The following ATP7B variants were observed in gnomAD, a reference collection of about 807,000 sequenced individuals.
The protein encoded by ATP7B is copper-transporting ATPase 2.
Under a neutral mutation model 118.9 loss-of-function variants are expected in ATP7B, and 113 were observed. The observed-to-expected ratio is 0.95, with a 90% CI of 0.82 to 1.11. The LOEUF (loss-of-function observed/expected upper bound fraction) is 1.11, where lower values mean the gene tolerates loss of function less well. Ranked by LOEUF, ATP7B falls within the 50% of genes most tolerant of loss-of-function variation. ATP7B has a pLI of 0.00. For missense variants in ATP7B, 1,867 were observed against 1,871.4 expected, an observed-to-expected ratio of 1.00 and a Z score of 0.04; for synonymous variants, 777 against 727.4, an observed-to-expected ratio of 1.07 and a Z score of -1.10.
intron 16 of ATP7B, among the ~76,000 whole-genome samples, chr13:51,939,816 AAG>A (rs1173059159): frequency 6.6e-6 from 1 of 152,098 alleles, no homozygotes; most frequent in East Asian, 1.9e-4. Flanking sequence ...AAAGGGAAAA[AAG>A]AGAGAGAATG....
At chr13:51,992,636 T>C (rs1039072690) in intron 1 of ATP7B, among the ~76,000 whole-genome samples, 5 of 152,180 alleles carry the variant, frequency 3.3e-5, no homozygotes, top group African/African-American at 1.2e-4. Context: ...GATAACTAAA[T>C]TCTTTCTAAA....
At chr13:52,000,117 T>C (rs543352898) in intron 1 of ATP7B, among the ~76,000 whole-genome samples, 5 of 152,326 alleles carry the variant, frequency 3.3e-5, no homozygotes, top group African/African-American at 1.2e-4. Context: ...TCATTCCTTG[T>C]ACACTCATCC....
rs573534437 is a variant in ATP7B at position 51,956,330 on chromosome 13, G to A, written c.2447+1186C>T. On this transcript the variant is annotated intron_variant, in intron 9 of 20. Transcript: ENST00000242839. ...GCAAGGGGTCTGTCTCAGCCTTCAC[G>A]CCCAGGCCTCCAGGACACAGCTAGG... 2.0e-4 allele frequency among the ~76,000 whole-genome samples: 30 copies of A among 152,308 alleles called. No individual in the cohort carries two copies. The South Asian group carries it at 3.3e-3, about 17-fold the overall frequency.
rs1334967662 is a variant in ATP7B at position 51,975,144 on chromosome 13, T to C, written c.76A>G (p.Thr26Ala). 6.2e-6 allele frequency: 10 copies of C among 1,614,194 alleles called. No individual in the cohort carries two copies. The African/African-American group carries it at 8.0e-5, about 13-fold the overall frequency. ...RKILSKLSLP[T>A]RAWEPAMKKS... ...TTCATTGCTGGTTCCCAGGCACGGG[T>C]AGGCAAAGAAAGCTTAGATAAGATC... The change falls in exon 2 of 21, where the codon ACC becomes GCC. Residue 26 changes from threonine (T) to alanine (A), a missense_variant. Thr to Ala is a moderately conservative substitution (Grantham distance 58). Coordinates refer to ENST00000242839, the MANE Select transcript of ATP7B (RefSeq NM_000053.4).
rs2138773463 is a variant in ATP7B at position 51,941,073 on chromosome 13, G to C, written c.3556+8C>G. On this transcript the variant is annotated splice_region_variant and intron_variant, in intron 16 of 20. Transcript: ENST00000242839. Reference sequence around the variant, plus strand: ...AGAGAGCGGAAGGAAGGCAGAAGCAGAAGATACCGTCAATAGCCACCAGGA... The same window carrying C: ...AGAGAGCGGAAGGAAGGCAGAAGCACAAGATACCGTCAATAGCCACCAGGA... 1 of 1,614,226 alleles carries C rather than the reference G, an allele frequency of 6.2e-7. No homozygotes were observed. The highest frequency in any genetic ancestry group is 1.1e-5 in the South Asian group (1 of 91,078).
rs1011673194 is a variant in ATP7B, at chr13:51,940,961, A to C, written c.3556+120T>G. The stretch of plus-strand genomic sequence containing the variant: ...CAATCTTCTGGAAAACAGGCCTGAA[A>C]TTAAGAGAGGAAGGCTTTTGTTTGT... On this transcript the variant is annotated intron_variant, in intron 16 of 20. Transcript: ENST00000242839. 2.1e-5 allele frequency: 30 copies of C among 1,457,102 alleles called. No homozygotes were observed. The Admixed American group carries it at 5.4e-4, about 26-fold the overall frequency. 90.3% of individuals were successfully genotyped at this position (1,457,102 alleles called of 1,614,324 possible).
At chr13:51,982,464 T>C (rs190540417) in intron 1 of ATP7B, among the ~76,000 whole-genome samples, 1 of 152,110 alleles carries the variant, frequency 6.6e-6, no homozygotes, top group South Asian at 2.1e-4. Flanking sequence ...ATTAAGATGA[T>C]CTTTGGAGGA....
In ATP7B at chr13:51,957,620, C is replaced by A; in HGVS notation, c.2356-13G>T. On this transcript the variant is annotated splice_polypyrimidine_tract_variant and intron_variant, in intron 8 of 20. Transcript: ENST00000242839. ...CTGAGGTTTTGCTCTAGGAAATAAC[C>A]AGAATGTGAAATGAGAGCTATCGAA... 1 of 1,612,070 alleles carries A rather than the reference C, an allele frequency of 6.2e-7. No homozygotes were observed. Among genetic ancestry groups the A allele is most frequent in the South Asian group, 1.1e-5 (1 of 91,024 alleles).
In ATP7B at chr13:51,964,852, T is replaced by G; in HGVS notation, c.1869+20A>C. 1.9e-6 allele frequency: 3 copies of G among 1,611,194 alleles called. No individual in the cohort carries two copies. The highest frequency in any genetic ancestry group is 2.5e-6 in the Non-Finnish European group (3 of 1,177,470). On this transcript the variant is annotated intron_variant, in intron 5 of 20. Transcript: ENST00000242839. The stretch of plus-strand genomic sequence containing the variant: ...ACTGTTTTTAAAAAGGTGACTACAA[T>G]TTTTTAATGAATTACTTACCTCAAT...
intron 1 of ATP7B, among the ~76,000 whole-genome samples, chr13:51,991,735 C>G (rs1219647727): frequency 6.6e-6 from 1 of 152,120 alleles, no homozygotes; most frequent in South Asian, 2.1e-4. Context: ...TCCAGCTCAC[C>G]ATTCTGGGCC....
chr13:51,992,368 G>A (rs1435307288), intron 1 of ATP7B, among the ~76,000 whole-genome samples: 1 of 152,150 alleles, frequency 6.6e-6, no homozygotes, highest in Non-Finnish European at 1.5e-5. Context: ...TCATCAGACG[G>A]ACCTGGGATT....
At chr13:51,950,520 A>T (rs1957931515) in intron 9 of ATP7B, 121 bp from the exon 10 acceptor site, 1 of 1,421,370 alleles carries the variant, frequency 7.0e-7, no homozygotes, top group African/African-American at 1.4e-5. Context: ...TATTCATTTG[A>T]TCTGTTCATT....
intron 1 of ATP7B, among the ~76,000 whole-genome samples, chr13:51,999,595 T>G (rs1953389870): frequency 6.6e-6 from 1 of 152,202 alleles, no homozygotes; most frequent in African/African-American, 2.4e-5. Context: ...ATTTCACAGT[T>G]CATTCCATGC....
At position 51,939,111 on chromosome 13, in the gene ATP7B, A is replaced by C. The variant is rs1593652180; in HGVS notation, c.3639T>G (p.Gly1213=). ...ALAVHTLQSM[G]VDVVLITGDN... ...CCCCCGTGATCAGAACCACGTCCAC[A>C]CCCATGCTCTGCAGCGTGTGCACAG... The change falls in exon 17 of 21, where the codon GGT becomes GGG. Residue 1213 remains glycine (G), a synonymous_variant. Coordinates refer to ENST00000242839, the MANE Select transcript of ATP7B (RefSeq NM_000053.4). 5.0e-6 allele frequency: 8 copies of C among 1,614,152 alleles called. No individual in the cohort carries two copies. Among genetic ancestry groups the C allele is most frequent in the Non-Finnish European group, 6.8e-6 (8 of 1,180,024 alleles).
chr13:51,994,478 A>C (rs778269295), intron 1 of ATP7B, among the ~76,000 whole-genome samples: 17 of 152,200 alleles, frequency 1.1e-4, no homozygotes, highest in Non-Finnish European at 2.2e-4. Context: ...GAACACCAAA[A>C]AACACTTTTA....
At chr13:52,000,574 C>T (rs547108652) in intron 1 of ATP7B, among the ~76,000 whole-genome samples, 13 of 152,334 alleles carry the variant, frequency 8.5e-5, no homozygotes, top group Non-Finnish European at 1.9e-4. Flanking sequence ...ACCATCTCCT[C>T]GGTGTTTCAT....
At position 51,975,119 on chromosome 13, in the gene ATP7B, T is replaced by C; in HGVS notation, c.101A>G (p.Lys34Arg). The C allele has an allele frequency of 6.2e-7, 1 of 1,614,224 alleles. No homozygotes were observed. Among genetic ancestry groups the C allele is most frequent in the Non-Finnish European group, 8.5e-7 (1 of 1,180,042 alleles). ...LPTRAWEPAM[K>R]KSFAFDNVGY... The stretch of plus-strand genomic sequence containing the variant: ...AACATTGTCAAAAGCAAAACTCTTC[T>C]TCATTGCTGGTTCCCAGGCACGGGT... The change falls in exon 2 of 21, where the codon AAG (lysine) becomes AGG (arginine). Residue 34 changes from lysine (K) to arginine (R), a missense_variant. Lys to Arg is a conservative substitution (Grantham distance 26). Coordinates refer to ENST00000242839, the MANE Select transcript of ATP7B (RefSeq NM_000053.4).
Position 51,944,133 on chromosome 13 carries a change from C to G in ATP7B, c.3219G>C (p.Val1073=), listed in dbSNP as rs1420294340. The stretch of plus-strand genomic sequence containing the variant: ...CCTCTTTACAGTATTTGGTGACTGC[C>G]ACGCCCAAGGGGTGTTCACTGCTGG... ...AEASSEHPLG[V]AVTKYCKEEL... is the part of the protein sequence containing the mutation. Residue 1073 remains valine (V), a synonymous_variant, in exon 14 of 21, where the codon GTG becomes GTC. Coordinates refer to ENST00000242839, the MANE Select transcript of ATP7B (RefSeq NM_000053.4). 2 of 1,614,056 alleles carry G rather than the reference C, an allele frequency of 1.2e-6. No individual in the cohort carries two copies. Among genetic ancestry groups the G allele is most frequent in the Non-Finnish European group, 1.7e-6 (2 of 1,180,038 alleles).
intron 1 of ATP7B, among the ~76,000 whole-genome samples, chr13:51,989,162 T>C (rs1048903300): frequency 1.3e-5 from 2 of 152,218 alleles, no homozygotes; most frequent in African/African-American, 4.8e-5. Context: ...TCGAGTACTC[T>C]ACATAGTTTT....
Sources: gnomAD v4.1 joint callset for allele counts (sites outside exome capture counted in the v4.1 genomes callset) on GRCh38, gnomAD v4.1.1 for gene constraint, MANE v1.5 for transcripts, NCBI Gene and HGNC (gene_info 2026-07-23, HGNC 2026-07-21) for gene names.